Variants in BLK observed in about 807,000 individuals in gnomAD.
BLK encodes BLK proto-oncogene, Src family tyrosine kinase, also known as tyrosine-protein kinase Blk.
In BLK, 64 loss-of-function variants were observed where a neutral mutation model predicts 61.8. The ratio of observed to expected loss-of-function variants is 1.03; its 90% CI spans 0.85 to 1.27. The LOEUF is 1.27. BLK is among the 50% of genes most tolerant of loss of function. BLK has a pLI of 0.00. For synonymous variants in BLK, 351 were observed against 272.0 expected (o/e 1.29, Z -2.86); for missense variants, 853 against 660.5 (o/e 1.29, Z -3.19).
intron 3 of BLK, among the ~76,000 whole-genome samples, chr8:11,546,983 G>A (rs775811451): frequency 6.6e-6 from 1 of 152,220 alleles, no homozygotes; most frequent in African/African-American, 2.4e-5. Flanking sequence ...CAAGAGGGTG[G>A]CCTCCTTCAA....
chr8:11,511,405 G>A (rs372394743), intron 1 of BLK, among the ~76,000 whole-genome samples: 2 of 150,802 alleles, frequency 1.3e-5, no homozygotes, highest in African/African-American at 4.9e-5. Flanking sequence ...TAACAAACCT[G>A]TATGTTGTGC....
chr8:11,522,742 A>G (rs889337277), intron 1 of BLK, among the ~76,000 whole-genome samples: 1 of 112,188 alleles, frequency 8.9e-6, no homozygotes, highest in African/African-American at 2.8e-5. Flanking sequence ...CATATTTCTG[A>G]AAAAAAAAGC....
intron 7 of BLK, 52 bp from the exon 8 acceptor site, chr8:11,555,280 G>C (rs1801144086): frequency 6.2e-7 from 1 of 1,612,006 alleles, no homozygotes. Context: ...TCCCAAGGTA[G>C]AGCCTGGCTG....
chr8:11,562,937 A>G lies in BLK; in HGVS notation c.1181-42A>G, dbSNP rs914063424. On this transcript the variant is annotated intron_variant, in intron 11 of 12. Transcript: ENST00000259089. Reference sequence around the variant, plus strand: ...GGGGTGAGGATGGAGGGTAGGGGCCACCGGCCGTGGCCTCCCAAAGCTTGC... The same window carrying G: ...GGGGTGAGGATGGAGGGTAGGGGCCGCCGGCCGTGGCCTCCCAAAGCTTGC... The G allele has an allele frequency of 6.2e-6, 10 of 1,612,836 alleles. No individual in the cohort carries two copies. In the African/African-American group the frequency reaches 1.2e-4, roughly 19 times the overall value.
chr8:11,519,025 C>T (rs902889953), intron 1 of BLK, among the ~76,000 whole-genome samples: 1 of 152,170 alleles, frequency 6.6e-6, no homozygotes, highest in South Asian at 2.1e-4. Context: ...CTTTGTGGCA[C>T]TTACCTCTCC....
intron 1 of BLK, among the ~76,000 whole-genome samples, chr8:11,527,339 A>G (rs1347768247): frequency 6.6e-6 from 1 of 152,176 alleles, no homozygotes; most frequent in Non-Finnish European, 1.5e-5. Context: ...AAAGTCCACC[A>G]CAATCAAAAT....
chr8:11,517,037 A>G (rs952699693), intron 1 of BLK, among the ~76,000 whole-genome samples: 44 of 152,232 alleles, frequency 2.9e-4, no homozygotes, highest in African/African-American at 1.1e-3. Flanking sequence ...AGAGGGTGAC[A>G]CTGGGGAGTT....
At chr8:11,546,417 ACT>A (rs1282712286) in intron 3 of BLK, among the ~76,000 whole-genome samples, 1 of 152,154 alleles carries the variant, frequency 6.6e-6, no homozygotes, top group African/African-American at 2.4e-5. Flanking sequence ...AAATATGCTA[ACT>A]CTCAAACGCA....
intron 1 of BLK, among the ~76,000 whole-genome samples, chr8:11,527,694 G>T (rs1391670994): frequency 6.6e-6 from 1 of 151,756 alleles, no homozygotes; most frequent in Non-Finnish European, 1.5e-5. Flanking sequence ...ACTCCTTTGG[G>T]TGGGGCCACA....
At chr8:11,503,899 T>C (rs778787862) in intron 1 of BLK, among the ~76,000 whole-genome samples, 1 of 152,094 alleles carries the variant, frequency 6.6e-6, no homozygotes, top group Non-Finnish European at 1.5e-5. Flanking sequence ...CCCAGACAAG[T>C]GTCCTGTGGG....
chr8:11,527,741 G>T (rs1482272769), intron 1 of BLK, among the ~76,000 whole-genome samples: 1 of 150,966 alleles, frequency 6.6e-6, no homozygotes, highest in Admixed American at 6.6e-5. Context: ...TTTGGGTGGG[G>T]TCCATTGGTT....
intron 1 of BLK, among the ~76,000 whole-genome samples, chr8:11,495,771 T>C (rs1052671002): frequency 1.3e-5 from 2 of 152,052 alleles, no homozygotes; most frequent in African/African-American, 2.4e-5. Flanking sequence ...AGTGGAAAAA[T>C]AGGTGAAATT....
At chr8:11,535,278 AAG>A (rs1253484758) in intron 1 of BLK, among the ~76,000 whole-genome samples, 1 of 138,338 alleles carries the variant, frequency 7.2e-6, no homozygotes, top group Non-Finnish European at 1.6e-5. Context: ...GAAAGAAAGA[AAG>A]AAAGAAAGAA....
intron 6 of BLK, among the ~76,000 whole-genome samples, chr8:11,552,020 T>G (rs755663631): frequency 1.3e-5 from 2 of 152,118 alleles, no homozygotes; most frequent in Non-Finnish European, 2.9e-5. Context: ...GTAGCCAATT[T>G]TAACTGGAGA....
chr8:11,506,849 AG>A (rs1269819006), intron 1 of BLK, among the ~76,000 whole-genome samples: 1 of 152,188 alleles, frequency 6.6e-6, no homozygotes, highest in East Asian at 1.9e-4. Context: ...ACTCTCAGGG[AG>A]GCCACTTGAG....
chr8:11,546,113 G>C lies in BLK; in HGVS notation c.175+10G>C. On this transcript the variant is annotated intron_variant, in intron 3 of 12. Coordinates refer to ENST00000259089, the MANE Select transcript of BLK (RefSeq NM_001715.3). ...GAACACCTGGATGAAGGTAAGAAGGGTGGTTTGGGAAGCTGAGGCTCCACA... is the reference window on the plus strand; with the variant it reads ...GAACACCTGGATGAAGGTAAGAAGGCTGGTTTGGGAAGCTGAGGCTCCACA... 6.2e-7 allele frequency: 1 copy of C among 1,614,194 alleles called. No individual in the cohort carries two copies. Among genetic ancestry groups the C allele is most frequent in the African/African-American group, 1.3e-5 (1 of 75,052 alleles).
At chr8:11,498,980 C>A (rs1585313948) in intron 1 of BLK, among the ~76,000 whole-genome samples, 1 of 152,172 alleles carries the variant, frequency 6.6e-6, no homozygotes, top group Admixed American at 6.5e-5. Flanking sequence ...GCCCAATATT[C>A]ATTTTGAAAC....
intron 1 of BLK, among the ~76,000 whole-genome samples, chr8:11,497,584 C>T (rs767997392): frequency 7.9e-5 from 12 of 152,160 alleles, no homozygotes; most frequent in Non-Finnish European, 1.0e-4. Context: ...CAGCACCCAG[C>T]GCAGTGCCTG....
Position 11,555,481 on chromosome 8 carries a change from A to T in BLK, c.769A>T (p.Met257Leu). Residue 257 changes from methionine to leucine, a missense_variant, in exon 8 of 13, where the codon ATG becomes TTG. Transcript: ENST00000259089. ...LGSGQFGEVWMGYYKNNMKVA... is the reference protein window; with the variant it reads ...LGSGQFGEVWLGYYKNNMKVA... The stretch of plus-strand genomic sequence containing the variant: ...GTCTGGACAATTCGGCGAAGTCTGG[A>T]TGGGTGAGTGTGTGCACACGTGGGA... 6.2e-7 allele frequency: 1 copy of T among 1,614,094 alleles called. No individual in the cohort carries two copies. The highest frequency in any genetic ancestry group is 8.5e-7 in the Non-Finnish European group (1 of 1,180,012).
Sources: allele counts gnomAD v4.1 joint callset (sites outside exome capture counted in the v4.1 genomes callset), GRCh38; gene constraint gnomAD v4.1.1; transcripts MANE v1.5; gene names NCBI Gene and HGNC (gene_info 2026-07-23, HGNC 2026-07-21).